Variants in TEX14 observed in about 807,000 individuals in gnomAD.
The protein encoded by TEX14 is testis expressed 14, intercellular bridge forming factor.
TEX14 carries 168 observed loss-of-function variants against 178.6 expected under a neutral mutation model. The observed-to-expected ratio is 0.94, with a 90% confidence interval of 0.83 to 1.07. The LOEUF is 1.07. Among genes scored for constraint, TEX14 ranks in the 50% least tolerant of loss-of-function variants. The pLI is 0.00. For missense variants in TEX14, 1,730 were observed against 1,753.6 expected (o/e 0.99, Z 0.24); for synonymous variants, 626 against 634.1 (o/e 0.99, Z 0.19).
chr17:58,593,253 GGT>G (rs2045200583), intron 15 of TEX14, among the ~76,000 whole-genome samples: 1 of 152,110 alleles, frequency 6.6e-6, no homozygotes, highest in African/African-American at 2.4e-5. Flanking sequence ...TGGAATACCT[GGT>G]GTTTGTTTTT....
At chr17:58,641,952 G>A (rs978727740) in intron 2 of TEX14, among the ~76,000 whole-genome samples, 1 of 152,170 alleles carries the variant, frequency 6.6e-6, no homozygotes, top group African/African-American at 2.4e-5. Context: ...AAGCCTGTCT[G>A]GCACTAAATC....
intron 5 of TEX14, among the ~76,000 whole-genome samples, chr17:58,619,210 T>C (rs2045941858): frequency 6.6e-6 from 1 of 151,334 alleles, no homozygotes; most frequent in South Asian, 2.1e-4. Flanking sequence ...GAGGGGAGAG[T>C]TCTTTCTAAG....
chr17:58,617,032 A>AT (rs1567737973), intron 6 of TEX14, among the ~76,000 whole-genome samples: 1 of 152,146 alleles, frequency 6.6e-6, no homozygotes, highest in Non-Finnish European at 1.5e-5. Flanking sequence ...GGGTGGACCG[A>AT]TTGAGTCCAG....
chr17:58,669,842 T>C (rs958755848), intron 1 of TEX14, among the ~76,000 whole-genome samples: 4 of 151,628 alleles, frequency 2.6e-5, no homozygotes, highest in African/African-American at 9.7e-5. Flanking sequence ...GGAAGGAGCA[T>C]TGGTGCTGCT....
intron 10 of TEX14, among the ~76,000 whole-genome samples, chr17:58,609,115 T>C (rs1235859324): frequency 6.6e-6 from 1 of 152,162 alleles, no homozygotes; most frequent in African/African-American, 2.4e-5. Context: ...ACGGCTCCCC[T>C]GCTTTTTTTC....
chr17:58,674,619 G>A (rs1215061836), intron 1 of TEX14, among the ~76,000 whole-genome samples: 2 of 151,940 alleles, frequency 1.3e-5, no homozygotes, highest in South Asian at 2.1e-4. Context: ...GCAGTGAGCC[G>A]AGATCCTGCC....
chr17:58,666,267 G>A (rs1284313631), intron 1 of TEX14, among the ~76,000 whole-genome samples: 1 of 150,564 alleles, frequency 6.6e-6, no homozygotes, highest in Non-Finnish European at 1.5e-5. Context: ...AGAATAGCTC[G>A]AACTCGGGAG....
Position 58,622,938 on chromosome 17 carries a change from A to G in TEX14, c.326T>C (p.Leu109Pro), listed in dbSNP as rs766736164. The part of the protein sequence containing the change: ...SGNQWILSKL[L>P]DAGGDLRLHD... ...GAGTCGCAGGTCACCTCCTGCATCC[A>G]GCAGTTTGCTAAGGATCCACTGATT... is the stretch of plus-strand genomic sequence containing the variant. The change falls in exon 4 of 32, where the codon CTG becomes CCG. Residue 109 changes from leucine (L) to proline (P), a missense_variant. By Grantham distance (98) the Leu-to-Pro change is moderately conservative. Around this residue, in one of 2 missense-constraint regions of TEX14, gnomAD observed 789 missense variants for 681.2 expected, o/e 1.16. Transcript: ENST00000349033. 21 of 1,612,974 alleles carry G rather than the reference A, an allele frequency of 1.3e-5. No individual in the cohort carries two copies. The East Asian group carries it at 3.3e-4, about 26-fold the overall frequency.
chr17:58,556,992 G>T lies in TEX14; in HGVS notation c.*19C>A. The T allele has an allele frequency of 1.2e-6, 2 of 1,607,656 alleles. No homozygotes were observed. The highest frequency in any genetic ancestry group is 1.7e-6 in the Non-Finnish European group (2 of 1,174,070). Reference sequence around the variant, plus strand: ...ACACTCAAACTCAGGCCAGGAGTCCGTCTATGATCCAATTCCAATCAGTCT... The same window carrying T: ...ACACTCAAACTCAGGCCAGGAGTCCTTCTATGATCCAATTCCAATCAGTCT... On this transcript the variant is annotated 3_prime_UTR_variant, in exon 32 of 32. Coordinates refer to ENST00000349033, the MANE Select transcript of TEX14 (RefSeq NM_031272.5).
At chr17:58,568,750 G>GATTT (rs10632748) in intron 26 of TEX14, among the ~76,000 whole-genome samples, 54,945 of 151,694 alleles carry the variant, frequency 0.36, 10,271 homozygotes, top group East Asian at 0.51. Context: ...TTAGGAAGGG[G>GATTT]ATTTATTCAC....
chr17:58,563,932 G>A (rs1205424723), intron 28 of TEX14, among the ~76,000 whole-genome samples: 1 of 150,636 alleles, frequency 6.6e-6, no homozygotes, highest in Non-Finnish European at 1.5e-5. Flanking sequence ...TTAGGGAAGG[G>A]AAAACTAAAA....
intron 28 of TEX14, among the ~76,000 whole-genome samples, chr17:58,563,044 G>C (rs149897008): frequency 1.6e-4 from 24 of 150,418 alleles, no homozygotes; most frequent in African/African-American, 5.9e-4. Context: ...TTGCACTCCA[G>C]CCTGGGCAAC....
At chr17:58,607,047 G>A (rs370238791) in intron 10 of TEX14, among the ~76,000 whole-genome samples, 2 of 149,374 alleles carry the variant, frequency 1.3e-5, no homozygotes, top group African/African-American at 4.9e-5. Context: ...GGAAGGAGCT[G>A]AAGGTAGGAG....
At chr17:58,659,045 G>A (rs1270378796) in intron 1 of TEX14, among the ~76,000 whole-genome samples, 2 of 150,214 alleles carry the variant, frequency 1.3e-5, no homozygotes, top group Admixed American at 6.6e-5. Flanking sequence ...AAGACGTAAG[G>A]TCATAACCAC....
At chr17:58,579,271 G>C (rs2044753111) in intron 20 of TEX14, among the ~76,000 whole-genome samples, 1 of 152,194 alleles carries the variant, frequency 6.6e-6, no homozygotes, top group African/African-American at 2.4e-5. Context: ...TGAAAACCTA[G>C]TTCTAATTTT....
At chr17:58,596,990 G>A (rs2045301532) in intron 14 of TEX14, among the ~76,000 whole-genome samples, 1 of 152,196 alleles carries the variant, frequency 6.6e-6, no homozygotes, top group Non-Finnish European at 1.5e-5. Context: ...ATTGTACAAT[G>A]AAAGAACAAC....
Position 58,634,707 on chromosome 17 carries a change from A to G in TEX14, c.137-4153T>C, listed in dbSNP as rs573503570. Among the ~76,000 whole-genome samples the G allele has an allele frequency of 3.3e-5, 5 of 152,294 alleles. No individual in the cohort carries two copies. In the South Asian group the frequency reaches 8.3e-4, roughly 25 times the overall value. On this transcript the variant is annotated intron_variant, in intron 2 of 31. Transcript: ENST00000349033. Reference sequence around the variant, plus strand: ...CTGCATGGATCTCTCAGAGTTACGCATGTCATGGGGGCAAGGCACTAACCT... The same window carrying G: ...CTGCATGGATCTCTCAGAGTTACGCGTGTCATGGGGGCAAGGCACTAACCT...
In TEX14 at chr17:58,605,086, G is replaced by C; in HGVS notation, c.1228C>G (p.Pro410Ala). The C allele has an allele frequency of 6.2e-7, 1 of 1,614,172 alleles. No homozygotes were observed. Residue 410 changes from proline (P) to alanine (A), a missense_variant, in exon 11 of 32, where the codon CCT becomes GCT. By Grantham distance (27) the Pro-to-Ala change is conservative. This residue lies in a region of TEX14 where 789 missense variants were observed against 681.2 expected (regional missense o/e 1.16). Transcript: ENST00000349033. ...VQRDLTRVPL[P>A]TQLYNWAAPE... ...GCGGCCCAGTTGTATAGCTGCGTAGGAAGGGGCACTCGAGTCAGGTCCCTC... is the reference window on the plus strand; with the variant it reads ...GCGGCCCAGTTGTATAGCTGCGTAGCAAGGGGCACTCGAGTCAGGTCCCTC...
At chr17:58,611,630 G>A (rs777500327) in intron 9 of TEX14, among the ~76,000 whole-genome samples, 4 of 152,216 alleles carry the variant, frequency 2.6e-5, no homozygotes, top group Non-Finnish European at 4.4e-5. Flanking sequence ...GGATTGGCTT[G>A]GGGAAAACTG....
Sources: allele counts gnomAD v4.1 joint callset (sites outside exome capture counted in the v4.1 genomes callset), GRCh38; gene constraint gnomAD v4.1.1; regional missense constraint gnomAD v4.1.1; transcripts MANE v1.5; gene names NCBI Gene and HGNC (gene_info 2026-07-23, HGNC 2026-07-21).